Variants in TMTC1 observed in about 807,000 individuals in gnomAD.
TMTC1 encodes protein O-mannosyl-transferase TMTC1.
Under a neutral mutation model 104.8 loss-of-function variants are expected in TMTC1, and 73 were observed. The observed-to-expected ratio is 0.70, with a 90% CI of 0.58 to 0.85. The LOEUF is 0.85. TMTC1 is among the 40% of genes least tolerant of loss of function. The probability of loss-of-function intolerance (pLI) is 0.00; values close to 1 mark genes in which losing one functional copy is unlikely to be tolerated. For synonymous variants in TMTC1, 434 were observed against 428.7 expected, an observed-to-expected ratio of 1.01 and a Z score of -0.15; for missense variants, 1,035 against 1,096.1, an observed-to-expected ratio of 0.94 and a Z score of 0.79.
chr12:29,653,212 A>C (rs563885695), intron 5 of TMTC1, among the ~76,000 whole-genome samples: 5 of 152,302 alleles, frequency 3.3e-5, no homozygotes, highest in African/African-American at 1.2e-4. Flanking sequence ...ATATCATTTG[A>C]AAATGACATG....
chr12:29,644,323 A>G (rs1939169417), intron 5 of TMTC1, among the ~76,000 whole-genome samples: 1 of 151,592 alleles, frequency 6.6e-6, no homozygotes, highest in African/African-American at 2.4e-5. Flanking sequence ...GAGGATACAA[A>G]GGCATAAAAA....
intron 5 of TMTC1, among the ~76,000 whole-genome samples, chr12:29,703,361 A>T (rs1412050716): frequency 6.6e-5 from 10 of 152,202 alleles, no homozygotes; most frequent in African/African-American, 2.4e-4. Flanking sequence ...GAAGCTCAGA[A>T]AAAGCTTGAG....
intron 6 of TMTC1, among the ~76,000 whole-genome samples, chr12:29,632,224 C>T (rs922389243): frequency 4.6e-5 from 7 of 152,136 alleles, no homozygotes; most frequent in Non-Finnish European, 1.0e-4. Flanking sequence ...CTAGATCTGA[C>T]AGGATGGAAA....
intron 5 of TMTC1, chr12:29,660,941 C>A: frequency 1.8e-6 from 2 of 1,097,642 alleles, no homozygotes; most frequent in South Asian, 1.9e-5. Flanking sequence ...ACACAATGTT[C>A]TCCTTTCAAG....
At chr12:29,699,714 G>A (rs752602899) in intron 5 of TMTC1, among the ~76,000 whole-genome samples, 3 of 136,138 alleles carry the variant, frequency 2.2e-5, no homozygotes, top group Non-Finnish European at 3.0e-5. Context: ...GTGCTGTGGC[G>A]CTACCACAGC....
chr12:29,774,433 T>TTG (rs1406944377), intron 1 of TMTC1, among the ~76,000 whole-genome samples: 1 of 152,148 alleles, frequency 6.6e-6, no homozygotes, highest in African/African-American at 2.4e-5. Context: ...AGTACATTCT[T>TTG]TTCCAAAGAA....
In TMTC1 at chr12:29,502,136, A is replaced by C. The variant is rs1943607686; in HGVS notation, c.*4710T>G. ...AGGTACTTAATTCTTTTTAAATGTC[A>C]AAAGATACCATTTAAATAGCTAAGT... On this transcript the variant is annotated 3_prime_UTR_variant, in exon 18 of 18. Transcript: ENST00000539277. 6.6e-6 allele frequency: 1 copy of C among 152,178 alleles called. No homozygotes were observed. The highest frequency in any genetic ancestry group is 1.5e-5 in the Non-Finnish European group (1 of 68,028). 9.4% of individuals were successfully genotyped at this position (152,178 alleles called of 1,614,324 possible).
chr12:29,733,149 G>A (rs1023650226), intron 5 of TMTC1, among the ~76,000 whole-genome samples: 1 of 152,110 alleles, frequency 6.6e-6, no homozygotes, highest in East Asian at 1.9e-4. Context: ...GTCAAGCCCT[G>A]GGCATTACCT....
At chr12:29,660,886 C>A in intron 5 of TMTC1, 1 of 1,488,364 alleles carries the variant, frequency 6.7e-7, no homozygotes, top group South Asian at 1.3e-5. Context: ...TCTCAGATAC[C>A]TAAAACGGGA....
At chr12:29,643,721 T>TATATATATTTATA (rs1939054903) in intron 5 of TMTC1, among the ~76,000 whole-genome samples, 1 of 50,548 alleles carries the variant, frequency 2.0e-5, no homozygotes, top group Non-Finnish European at 3.3e-5. Flanking sequence ...ATATATAATA[T>TATATATATTTATA]ATAAATATAT....
rs143634845 is a variant in TMTC1 at position 29,623,721 on chromosome 12, G to A, written c.1128+9426C>T. ...CCATCTACTCAGGAGGCTGAGACAG[G>A]AGAATCGCTTGAACCCGGGAGACGG... On this transcript the variant is annotated intron_variant, in intron 6 of 17. Transcript: ENST00000539277. Among the ~76,000 whole-genome samples, 1,459 of 152,206 alleles carry A rather than the reference G, an allele frequency of 9.6e-3. 22 individuals are homozygous for A. The highest frequency in any genetic ancestry group is 0.033 in the African/African-American group (1,388 of 41,530).
intron 7 of TMTC1, among the ~76,000 whole-genome samples, chr12:29,587,925 TA>T (rs1203279389): frequency 2.0e-5 from 3 of 152,238 alleles, no homozygotes; most frequent in East Asian, 1.9e-4. Context: ...CACACCTCCT[TA>T]AAAAACTTTT....
chr12:29,724,272 C>T (rs1942320068), intron 5 of TMTC1, among the ~76,000 whole-genome samples: 2 of 152,142 alleles, frequency 1.3e-5, no homozygotes, highest in Non-Finnish European at 2.9e-5. Flanking sequence ...GAGCCTGGAG[C>T]ATCATGAACA....
chr12:29,707,507 T>G (rs1941780435), intron 5 of TMTC1, among the ~76,000 whole-genome samples: 1 of 152,132 alleles, frequency 6.6e-6, no homozygotes, highest in Non-Finnish European at 1.5e-5. Context: ...AGTGTTACAA[T>G]GACCCTCAGC....
At chr12:29,548,640 T>A (rs1033427822) in intron 10 of TMTC1, among the ~76,000 whole-genome samples, 26 of 151,944 alleles carry the variant, frequency 1.7e-4, no homozygotes, top group African/African-American at 6.3e-4. Flanking sequence ...CATGTGAAAC[T>A]GTGAATCCAT....
intron 6 of TMTC1, among the ~76,000 whole-genome samples, chr12:29,617,362 C>A (rs1947010788): frequency 6.6e-6 from 1 of 152,102 alleles, no homozygotes; most frequent in Non-Finnish European, 1.5e-5. Flanking sequence ...ATTGATTATT[C>A]ATTCGTTCAA....
chr12:29,610,883 C>T (rs1239046959), intron 6 of TMTC1, among the ~76,000 whole-genome samples: 1 of 152,200 alleles, frequency 6.6e-6, no homozygotes, highest in Non-Finnish European at 1.5e-5. Context: ...TTGGCTCAGG[C>T]TGGTGATATC....
intron 5 of TMTC1, among the ~76,000 whole-genome samples, chr12:29,716,764 C>T (rs1224253868): frequency 6.6e-6 from 1 of 152,076 alleles, no homozygotes; most frequent in East Asian, 1.9e-4. Context: ...GCCTGTAATC[C>T]CAGCACTTTG....
At chr12:29,774,350 T>C (rs1372903970) in intron 1 of TMTC1, among the ~76,000 whole-genome samples, 2 of 152,130 alleles carry the variant, frequency 1.3e-5, no homozygotes, top group Non-Finnish European at 2.9e-5. Flanking sequence ...GTTTCAAAGC[T>C]TAAGGGAAGG....
Sources: gnomAD v4.1 joint callset for allele counts (sites outside exome capture counted in the v4.1 genomes callset) on GRCh38, gnomAD v4.1.1 for gene constraint, MANE v1.5 for transcripts, NCBI Gene and HGNC (gene_info 2026-07-23, HGNC 2026-07-21) for gene names.